The following EVI5 variants were observed in gnomAD, a reference collection of about 807,000 sequenced individuals.
EVI5 encodes the protein ecotropic viral integration site 5.
In EVI5, 73 loss-of-function variants were observed where a neutral mutation model predicts 112.0. The ratio of observed to expected loss-of-function variants is 0.65; its 90% CI spans 0.54 to 0.79. EVI5 has a LOEUF of 0.79. EVI5 is among the 30% of genes least tolerant of loss of function. The pLI, the probability that EVI5 is intolerant of heterozygous loss-of-function variation, is 0.00. For missense variants in EVI5, 900 were observed against 968.8 expected (o/e 0.93, Z 0.94); for synonymous variants, 305 against 319.9 (o/e 0.95, Z 0.50).
Position 92,702,233 on chromosome 1 carries a change from G to T in EVI5, c.565-18C>A. The T allele has an allele frequency of 7.0e-7, 1 of 1,427,866 alleles. No homozygotes were observed. The highest frequency in any genetic ancestry group is 9.5e-7 in the Non-Finnish European group (1 of 1,056,616). 88.4% of individuals were successfully genotyped at this position (1,427,866 alleles called of 1,614,324 possible). ...GAGTAAGCCTAAAAAGTAAAAAAAAGTTGTTCAAAATACATGGTAAGTTAT... is the reference window on the plus strand; with the variant it reads ...GAGTAAGCCTAAAAAGTAAAAAAAATTTGTTCAAAATACATGGTAAGTTAT... On this transcript the variant is annotated intron_variant, in intron 4 of 19. Transcript: ENST00000684568.
intron 19 of EVI5, among the ~76,000 whole-genome samples, chr1:92,521,720 C>T (rs1284916324): frequency 6.6e-6 from 1 of 151,664 alleles, no homozygotes; most frequent in East Asian, 1.9e-4. Context: ...CAAAGACTGA[C>T]ATTAAATAAT....
intron 19 of EVI5, among the ~76,000 whole-genome samples, chr1:92,523,304 G>A (rs1661273154): frequency 6.6e-6 from 1 of 151,958 alleles, no homozygotes; most frequent in Non-Finnish European, 1.5e-5. Context: ...TTGTTTCCAT[G>A]TTAACATCCC....
intron 13 of EVI5, among the ~76,000 whole-genome samples, chr1:92,640,182 C>T (rs1659663924): frequency 6.6e-6 from 1 of 152,154 alleles, no homozygotes; most frequent in African/African-American, 2.4e-5. Flanking sequence ...CTAGGCAATA[C>T]CATTCAGGAC....
Position 92,703,492 on chromosome 1 carries a change from T to C in EVI5, c.467A>G (p.Lys156Arg). Residue 156 changes from lysine (K) to arginine (R), a missense_variant, in exon 4 of 20, where the codon AAA becomes AGA. Physicochemically the swap from Lys to Arg is conservative, Grantham distance 26 (BLOSUM62 2). Coordinates refer to ENST00000684568, the MANE Select transcript of EVI5 (RefSeq NM_001350197.2). Reference sequence around the variant, plus strand: ...TCTAGCAATGTCCCTTCGGATCAATTTTTCACAAGGCGAGGTCATTTTCAG... The same window carrying C: ...TCTAGCAATGTCCCTTCGGATCAATCTTTCACAAGGCGAGGTCATTTTCAG... ...ELLKMTSPCEKLIRRDIARTY... is the reference protein window; with the variant it reads ...ELLKMTSPCERLIRRDIARTY... The C allele has an allele frequency of 1.2e-6, 2 of 1,600,104 alleles. No homozygotes were observed. Among genetic ancestry groups the C allele is most frequent in the Non-Finnish European group, 8.5e-7 (1 of 1,176,690 alleles).
intron 2 of EVI5, among the ~76,000 whole-genome samples, chr1:92,706,507 A>C (rs1362212501): frequency 1.3e-5 from 2 of 152,228 alleles, no homozygotes; most frequent in Non-Finnish European, 2.9e-5. Context: ...AGAGATATGC[A>C]GTTCAAAGAA....
intron 1 of EVI5, among the ~76,000 whole-genome samples, chr1:92,764,193 CT>C (rs1158160120): frequency 1.3e-5 from 2 of 152,152 alleles, no homozygotes; most frequent in Admixed American, 6.6e-5. Flanking sequence ...ATAAAACCCC[CT>C]AAATCAGCTA....
At chr1:92,786,161 T>C (rs114918011), upstream of EVI5, among the ~76,000 whole-genome samples, 2,949 of 150,324 alleles carry the variant, frequency 0.02, 130 homozygotes, top group African/African-American at 0.068. Flanking sequence ...GTCTAGAAAT[T>C]AGTATCCCTA....
At chr1:92,609,725 A>C (rs1376992841) in intron 16 of EVI5, among the ~76,000 whole-genome samples, 1 of 152,104 alleles carries the variant, frequency 6.6e-6, no homozygotes, top group East Asian at 1.9e-4. Context: ...TCGCCCTATG[A>C]AAAAGACCCC....
chr1:92,538,797 C>A (rs184513236), intron 19 of EVI5, among the ~76,000 whole-genome samples: 8 of 151,930 alleles, frequency 5.3e-5, no homozygotes, highest in Non-Finnish European at 8.9e-5. Flanking sequence ...GAGGAGAAAT[C>A]AGGCACAGGT....
rs1460532881 is a variant in EVI5 at position 92,785,083 on chromosome 1, C to G, written c.-329G>C. 2.0e-6 allele frequency: 2 copies of G among 985,526 alleles called. No individual in the cohort carries two copies. Among genetic ancestry groups the G allele is most frequent in the African/African-American group, 3.5e-5 (2 of 57,362 alleles). The allele number at this position is 985,526 out of a possible 1,614,324, so 61.0% of individuals were successfully genotyped here. On this transcript the variant is annotated 5_prime_UTR_variant, in exon 1 of 20. Transcript: ENST00000684568. ...GCTGGCCAGCTGGTTCCTCCGGGGT[C>G]CGGCCCGGCCGCGTCAGGAGAGCCC...
intron 13 of EVI5, among the ~76,000 whole-genome samples, chr1:92,651,840 G>A (rs1389023190): frequency 1.7e-5 from 2 of 114,642 alleles, no homozygotes; most frequent in Admixed American, 1.0e-4. Flanking sequence ...GACAGAGCGA[G>A]ACTCCGTCTC....
At chr1:92,683,023 T>C (rs149390042) in intron 9 of EVI5, among the ~76,000 whole-genome samples, 6 of 152,360 alleles carry the variant, frequency 3.9e-5, no homozygotes, top group Non-Finnish European at 5.9e-5. Context: ...ATCTTATTTA[T>C]GGACGTCTAA....
intron 13 of EVI5, chr1:92,647,540 C>CA (rs1553225125): frequency 7.5e-6 from 4 of 531,784 alleles, no homozygotes; most frequent in Non-Finnish European, 1.1e-5. Flanking sequence ...GCAAAATTGA[C>CA]AGAGACCTCT....
intron 19 of EVI5, among the ~76,000 whole-genome samples, chr1:92,540,440 G>T (rs188673605): frequency 1.7e-3 from 260 of 152,184 alleles, no homozygotes; most frequent in African/African-American, 6.0e-3. Flanking sequence ...CTGATGTTGG[G>T]CATATTTTCT....
At chr1:92,628,584 A>G (rs991583366) in intron 14 of EVI5, among the ~76,000 whole-genome samples, 1 of 152,186 alleles carries the variant, frequency 6.6e-6, no homozygotes, top group African/African-American at 2.4e-5. Flanking sequence ...TACAAGACTT[A>G]GATCAATTTC....
In EVI5 at chr1:92,605,407, T is replaced by G. The variant is rs1156643100; in HGVS notation, c.1975-5A>C. The G allele has an allele frequency of 6.3e-7, 1 of 1,597,770 alleles. No homozygotes were observed. Among genetic ancestry groups the G allele is most frequent in the Admixed American group, 1.7e-5 (1 of 59,822 alleles). The stretch of plus-strand genomic sequence containing the variant: ...AGCCATCACTTCTTCCTTATTCTAG[T>G]GTGGTAAACCAAACCGAAACAAAAT... On this transcript the variant is annotated splice_region_variant and splice_polypyrimidine_tract_variant and intron_variant, in intron 17 of 19. Transcript: ENST00000684568.
intron 18 of EVI5, among the ~76,000 whole-genome samples, chr1:92,597,403 A>T (rs760727074): frequency 3.9e-5 from 6 of 152,240 alleles, no homozygotes; most frequent in Non-Finnish European, 7.3e-5. Context: ...TATTACAGTC[A>T]TTAATACCAA....
At chr1:92,706,961 G>C (rs1277564462) in intron 2 of EVI5, among the ~76,000 whole-genome samples, 2 of 151,752 alleles carry the variant, frequency 1.3e-5, no homozygotes, top group East Asian at 3.9e-4. Flanking sequence ...GCGGGCGGAT[G>C]ACCTGAGGTT....
intron 2 of EVI5, among the ~76,000 whole-genome samples, chr1:92,715,878 C>A (rs868335809): frequency 6.6e-6 from 1 of 152,154 alleles, no homozygotes; most frequent in Non-Finnish European, 1.5e-5. Flanking sequence ...AGTCTGATAT[C>A]GACCTGCGAG....
Sources: allele counts gnomAD v4.1 joint callset (sites outside exome capture counted in the v4.1 genomes callset), GRCh38; gene constraint gnomAD v4.1.1; transcripts MANE v1.5; gene names NCBI Gene and HGNC (gene_info 2026-07-23, HGNC 2026-07-21).